COL4A2: variants seen among roughly 807,000 people sequenced by gnomAD.
COL4A2 encodes collagen alpha-2(IV) chain.
A neutral mutation model predicts 200.2 loss-of-function variants in COL4A2; 99 were observed. The ratio of observed to expected loss-of-function variants is 0.49; its 90% CI spans 0.42 to 0.58. The LOEUF is 0.58. COL4A2 is among the 20% of genes least tolerant of loss of function. The pLI is 0.00. For synonymous variants in COL4A2, 897 were observed against 900.6 expected (o/e 1.00, Z 0.07); for missense variants, 1,950 against 2,314.1 (o/e 0.84, Z 3.23).
intron 3 of COL4A2, among the ~76,000 whole-genome samples, chr13:110,351,230 T>C (rs1243328939): frequency 1.3e-5 from 2 of 151,402 alleles, no homozygotes; most frequent in Non-Finnish European, 2.9e-5. Context: ...TTTGTTTGTT[T>C]GTTTGTTTGT....
intron 4 of COL4A2, among the ~76,000 whole-genome samples, chr13:110,383,646 C>T (rs1317586439): frequency 8.2e-6 from 1 of 121,290 alleles, no homozygotes; most frequent in African/African-American, 3.1e-5. Context: ...GAGACAGTCT[C>T]GCTCTGTCAC....
intron 24 of COL4A2, among the ~76,000 whole-genome samples, chr13:110,464,418 C>T (rs571016201): frequency 6.6e-6 from 1 of 152,166 alleles, no homozygotes; most frequent in Non-Finnish European, 1.5e-5. Context: ...TTAGAAAACT[C>T]GTGATCCTGC....
At chr13:110,403,489 A>G (rs1879449529) in intron 4 of COL4A2, among the ~76,000 whole-genome samples, 2 of 152,190 alleles carry the variant, frequency 1.3e-5, no homozygotes. Flanking sequence ...TTTAGTTTCA[A>G]TAACATGCTT....
chr13:110,348,842 G>A (rs1000511543), intron 3 of COL4A2, among the ~76,000 whole-genome samples: 5 of 152,352 alleles, frequency 3.3e-5, no homozygotes, highest in African/African-American at 1.2e-4. Flanking sequence ...CCCTTCAGAG[G>A]ATGGCTCTTG....
chr13:110,495,534 A>G (rs1883428524), intron 40 of COL4A2, 67 bp downstream of exon 40: 5 of 1,564,252 alleles, frequency 3.2e-6, no homozygotes, highest in East Asian at 2.2e-5. Context: ...AGGTGGGGCC[A>G]TGGAGTGTCT....
At chr13:110,445,306 C>T (rs1881279202) in intron 16 of COL4A2, among the ~76,000 whole-genome samples, 1 of 152,322 alleles carries the variant, frequency 6.6e-6, no homozygotes, top group Middle Eastern at 3.4e-3. Flanking sequence ...ATCATAAAAG[C>T]AACCCGACAC....
chr13:110,474,701 G>C (rs1235330090), intron 29 of COL4A2, among the ~76,000 whole-genome samples: 2 of 114,132 alleles, frequency 1.8e-5, no homozygotes, highest in Non-Finnish European at 1.9e-5. Context: ...ACACGTGCCT[G>C]TGTACACTCA....
chr13:110,412,379 A>G (rs1594199797), intron 4 of COL4A2, among the ~76,000 whole-genome samples: 1 of 152,140 alleles, frequency 6.6e-6, no homozygotes, highest in African/African-American at 2.4e-5. Context: ...GCCGCTTGCA[A>G]ATCTGTGCCT....
At chr13:110,499,056 A>G (rs1427139537) in intron 40 of COL4A2, among the ~76,000 whole-genome samples, 1 of 152,238 alleles carries the variant, frequency 6.6e-6, no homozygotes, top group Non-Finnish European at 1.5e-5. Context: ...GCCTCTGGCT[A>G]GTGATGAGGG....
intron 24 of COL4A2, among the ~76,000 whole-genome samples, chr13:110,464,890 A>G (rs1882172542): frequency 6.6e-6 from 1 of 151,786 alleles, no homozygotes; most frequent in Admixed American, 6.6e-5. Context: ...TGGTGCTTTC[A>G]TCCACAGGGC....
chr13:110,412,233 C>T lies in COL4A2; in HGVS notation c.181-12501C>T, dbSNP rs998488718. Among the ~76,000 whole-genome samples, 44 of 152,358 alleles carry T rather than the reference C, an allele frequency of 2.9e-4. 1 individual carries two copies. Among genetic ancestry groups the T allele is most frequent in the African/African-American group, 9.4e-4 (39 of 41,592 alleles). ...GAAAATGGAATTCGATGTGCTCTTT[C>T]GACATCTTTGGAACTCTGCAGTCAG... On this transcript the variant is annotated intron_variant, in intron 4 of 47. Coordinates refer to ENST00000360467, the MANE Select transcript of COL4A2 (RefSeq NM_001846.4).
chr13:110,382,713 T>C (rs976239012), intron 4 of COL4A2, among the ~76,000 whole-genome samples: 2 of 152,198 alleles, frequency 1.3e-5, no homozygotes, highest in Admixed American at 1.3e-4. Flanking sequence ...CAACAAAAAT[T>C]CCTCCTGTAT....
intron 3 of COL4A2, among the ~76,000 whole-genome samples, chr13:110,356,048 T>C (rs1156619974): frequency 6.6e-6 from 1 of 152,044 alleles, no homozygotes; most frequent in Non-Finnish European, 1.5e-5. Flanking sequence ...TCAAAACGTT[T>C]AATACTGTCA....
chr13:110,386,891 A>G (rs549038715), intron 4 of COL4A2, among the ~76,000 whole-genome samples: 2 of 152,314 alleles, frequency 1.3e-5, no homozygotes, highest in African/African-American at 4.8e-5. Context: ...TCTACTGAAA[A>G]TGGCCCACAG....
chr13:110,461,998 G>T lies in COL4A2; in HGVS notation c.1597-116G>T, dbSNP rs185152022. The T allele has an allele frequency of 3.3e-4, 497 of 1,485,684 alleles. 2 individuals carry two copies. The African/African-American group carries it at 6.2e-3, about 19-fold the overall frequency. The allele number at this position is 1,485,684 out of a possible 1,614,324, so 92.0% of individuals were successfully genotyped here. ...GAAAGTGCTCCTTGGGTGGCGCTCG[G>T]TTTGGTGACGGGTGACTGCCTGCCA... is the stretch of plus-strand genomic sequence containing the variant. On this transcript the variant is annotated intron_variant, in intron 22 of 47. Transcript: ENST00000360467.
chr13:110,317,338 C>CCA (rs759383415), intron 3 of COL4A2, among the ~76,000 whole-genome samples: 7 of 149,930 alleles, frequency 4.7e-5, no homozygotes, highest in Admixed American at 2.0e-4. Flanking sequence ...ACACTTGCAC[C>CCA]CACACACACA....
intron 40 of COL4A2, among the ~76,000 whole-genome samples, chr13:110,499,280 G>A (rs7139823): frequency 0.11 from 16,164 of 152,254 alleles, 1,061 homozygotes; most frequent in African/African-American, 0.17. Context: ...TCACAGTTCT[G>A]CATGGCTGGG....
intron 4 of COL4A2, among the ~76,000 whole-genome samples, chr13:110,371,595 T>C: frequency 6.6e-6 from 1 of 152,208 alleles, no homozygotes; most frequent in East Asian, 1.9e-4. Context: ...ACACTGTTGC[T>C]TTTTAAAATT....
rs370653494 is a variant in COL4A2, at chr13:110,424,344, C to T, written c.181-390C>T. On this transcript the variant is annotated intron_variant, in intron 4 of 47. Transcript: ENST00000360467. ...CTTTTTGATATTTGAATGCAATACA[C>T]ATTTCCACAGTTACTGGATGCATTA... Among the ~76,000 whole-genome samples the T allele has an allele frequency of 1.3e-4, 19 of 150,044 alleles. 1 individual carries two copies. In the South Asian group the frequency reaches 3.4e-3, roughly 27 times the overall value.
Sources: allele counts gnomAD v4.1 joint callset (sites outside exome capture counted in the v4.1 genomes callset), GRCh38; gene constraint gnomAD v4.1.1; transcripts MANE v1.5; gene names NCBI Gene and HGNC (gene_info 2026-07-23, HGNC 2026-07-21).